ZFP64: variants seen among roughly 807,000 people sequenced by gnomAD.
The protein encoded by ZFP64 is zinc finger protein 64.
A neutral mutation model predicts 51.6 loss-of-function variants in ZFP64; 14 were observed. The observed-to-expected ratio is 0.27, with a 90% confidence interval of 0.18 to 0.42. The LOEUF (loss-of-function observed/expected upper bound fraction) is 0.42. ZFP64 is among the 10% of genes least tolerant of loss of function. ZFP64 has a pLI of 1.00. For synonymous variants in ZFP64, 375 were observed against 361.4 expected, an observed-to-expected ratio of 1.04 and a Z score of -0.43; for missense variants, 754 against 906.8, an observed-to-expected ratio of 0.83 and a Z score of 2.16.
rs571534511 is a variant in ZFP64, at chr20:52,189,445, A to G, written c.46+2146T>C. On this transcript the variant is annotated intron_variant, in intron 1 of 5. Transcript: ENST00000216923. ...ATAATATTGTAAATATTCAGATCAT[A>G]GTATTGTAAAACTAATCCTTTTCCT... 8.6e-5 allele frequency among the ~76,000 whole-genome samples: 13 copies of G among 151,598 alleles called. No homozygotes were observed. The South Asian group carries it at 2.7e-3, about 32-fold the overall frequency.
intron 5 of ZFP64, among the ~76,000 whole-genome samples, chr20:52,128,029 G>A (rs1347443567): frequency 6.6e-6 from 1 of 152,180 alleles, no homozygotes; most frequent in Non-Finnish European, 1.5e-5. Context: ...TTTGGATTGA[G>A]GTGTGTTCCA....
intron 7 of ZFP64, among the ~76,000 whole-genome samples, chr20:52,093,550 C>T (rs1318692381): frequency 2.0e-5 from 3 of 152,196 alleles, no homozygotes; most frequent in Non-Finnish European, 4.4e-5. Flanking sequence ...TTTAGCATTG[C>T]CTTCAATTAT....
intron 1 of ZFP64, among the ~76,000 whole-genome samples, chr20:52,188,654 T>C (rs1309710365): frequency 6.6e-6 from 1 of 151,994 alleles, no homozygotes; most frequent in Non-Finnish European, 1.5e-5. Context: ...CAAGAATTAA[T>C]ACTATATTAA....
At chr20:52,147,002 C>T (rs889457539), downstream of ZFP64, among the ~76,000 whole-genome samples, 7 of 152,226 alleles carry the variant, frequency 4.6e-5, no homozygotes, top group East Asian at 1.9e-4. Context: ...AACCCAAATA[C>T]TTACGGCTAA....
rs149684249 is a variant in ZFP64, at chr20:52,088,177, T to A, written c.1228+215A>T. 45 of 689,592 alleles carry A rather than the reference T, an allele frequency of 6.5e-5. No individual in the cohort carries two copies. In the African/African-American group the frequency reaches 6.8e-4, roughly 10 times the overall value. The allele number at this position is 689,592 out of a possible 1,614,324, so 42.7% of individuals were successfully genotyped here. On this transcript the variant is annotated intron_variant, in intron 8 of 8. Transcript: ENST00000361387. ...TATCTACTCCCAGCTGGATTCTATA[T>A]AGTCAAGATATAAAACCCAGCTGTC...
chr20:52,172,366 A>G (rs1982824145), intron 2 of ZFP64, among the ~76,000 whole-genome samples: 1 of 152,118 alleles, frequency 6.6e-6, no homozygotes, highest in African/African-American at 2.4e-5. Flanking sequence ...CTCAGAGCTT[A>G]GATCTTGTTG....
chr20:52,169,323 T>G (rs889143876), intron 2 of ZFP64, among the ~76,000 whole-genome samples: 1 of 152,214 alleles, frequency 6.6e-6, no homozygotes, highest in Non-Finnish European at 1.5e-5. Context: ...CCTGTTTGCC[T>G]TGTAGTGGAG....
chr20:52,105,148 C>A, intron 5 of ZFP64: 1 of 1,442,168 alleles, frequency 6.9e-7, no homozygotes. Flanking sequence ...CCCCCGCCAC[C>A]TGCGGGGCCA....
intron 5 of ZFP64, among the ~76,000 whole-genome samples, chr20:52,114,144 T>G (rs1568953752): frequency 1.3e-5 from 2 of 151,942 alleles, no homozygotes; most frequent in Non-Finnish European, 2.9e-5. Context: ...ATGTAAAAAT[T>G]TGAAAAAAAA....
chr20:52,171,859 C>T (rs558890041), intron 2 of ZFP64, among the ~76,000 whole-genome samples: 17 of 151,736 alleles, frequency 1.1e-4, no homozygotes, highest in African/African-American at 2.9e-4. Context: ...GCGATTCTCC[C>T]GCCTCAACCT....
At chr20:52,145,277 C>T (rs1980467926) in intron 5 of ZFP64, among the ~76,000 whole-genome samples, 1 of 152,228 alleles carries the variant, frequency 6.6e-6, no homozygotes, top group Non-Finnish European at 1.5e-5. Flanking sequence ...GAAATCCATA[C>T]AGCACGTGAA....
Position 52,151,905 on chromosome 20 carries a change from C to A in ZFP64, c.*241G>T. 1 of 1,046,570 alleles carries A rather than the reference C, an allele frequency of 9.6e-7. No homozygotes were observed. The highest frequency in any genetic ancestry group is 1.3e-6 in the Non-Finnish European group (1 of 780,844). The allele number at this position is 1,046,570 out of a possible 1,614,324, so 64.8% of individuals were successfully genotyped here. ...TACAAAAATTAGCCAGTCATGATGT[C>A]GTACACCTGTGGTCCCAGCTACTCG... On this transcript the variant is annotated 3_prime_UTR_variant, in exon 6 of 6. Transcript: ENST00000216923.
chr20:52,176,238 C>T (rs1021609867), intron 2 of ZFP64, among the ~76,000 whole-genome samples: 1 of 152,150 alleles, frequency 6.6e-6, no homozygotes, highest in African/African-American at 2.4e-5. Context: ...ACCTTCCCCC[C>T]ACCCGCCCAA....
chr20:52,139,334 A>C (rs1042769748), intron 5 of ZFP64, among the ~76,000 whole-genome samples: 3 of 152,190 alleles, frequency 2.0e-5, no homozygotes, highest in Non-Finnish European at 2.9e-5. Context: ...AACAACATGA[A>C]ATCATGGACT....
downstream of ZFP64, among the ~76,000 whole-genome samples, chr20:52,150,895 C>T (rs1364355090): frequency 6.6e-6 from 1 of 152,194 alleles, no homozygotes. Flanking sequence ...GAATTTTCCT[C>T]TTCTCAATAC....
intron 5 of ZFP64, among the ~76,000 whole-genome samples, chr20:52,145,644 C>CAAAAA (rs1268146320): frequency 6.6e-6 from 1 of 152,098 alleles, no homozygotes; most frequent in Non-Finnish European, 1.5e-5. Context: ...TTCTCAAAAA[C>CAAAAA]AAAACAAAAC....
At chr20:52,166,230 C>A (rs1007008792) in intron 2 of ZFP64, among the ~76,000 whole-genome samples, 1 of 150,676 alleles carries the variant, frequency 6.6e-6, no homozygotes, top group Non-Finnish European at 1.5e-5. Flanking sequence ...GACTTTCCTC[C>A]CTGATTTAAA....
At position 52,138,527 on chromosome 20, in the gene ZFP64, G is replaced by A. The variant is rs1268851568; in HGVS notation, c.763+21596C>T. On this transcript the variant is annotated intron_variant, in intron 5 of 8. Coordinates refer to the ZFP64 transcript ENST00000361387. The stretch of plus-strand genomic sequence containing the variant: ...AGAATGTTATTATGAGATAAAGCAT[G>A]ATTTAAGGCCAAAAGCTATTATTAC... 2.0e-5 allele frequency among the ~76,000 whole-genome samples: 3 copies of A among 151,698 alleles called. No individual in the cohort carries two copies. In the East Asian group the frequency reaches 5.8e-4, roughly 29 times the overall value.
At chr20:52,115,194 T>C (rs1978796637) in intron 5 of ZFP64, among the ~76,000 whole-genome samples, 2 of 71,658 alleles carry the variant, frequency 2.8e-5, no homozygotes, top group African/African-American at 4.7e-5. Flanking sequence ...ACAGAGTGAG[T>C]CTCAAAAAAA....
Sources: gnomAD v4.1 joint callset for allele counts (sites outside exome capture counted in the v4.1 genomes callset) on GRCh38, gnomAD v4.1.1 for gene constraint, MANE v1.5 for transcripts, NCBI Gene and HGNC (gene_info 2026-07-23, HGNC 2026-07-21) for gene names.